Variants in CDH13 observed in about 807,000 individuals in gnomAD.
The protein encoded by CDH13 is cadherin-13.
CDH13 carries 24 observed loss-of-function variants against 63.8 expected under a neutral mutation model. That is an observed-to-expected ratio of 0.38 (90% CI 0.27 to 0.53). The LOEUF (loss-of-function observed/expected upper bound fraction) is 0.53, where lower values mean the gene tolerates loss of function less well. Ranked by LOEUF, CDH13 falls within the 20% of genes least tolerant of loss-of-function variation. The pLI is 0.85. For synonymous variants in CDH13, 503 were observed against 355.3 expected, an observed-to-expected ratio of 1.42 and a Z score of -4.67; for missense variants, 1,049 against 903.1, an observed-to-expected ratio of 1.16 and a Z score of -2.07.
chr16:83,632,592 G>A (rs960370458), intron 8 of CDH13, among the ~76,000 whole-genome samples: 32 of 151,016 alleles, frequency 2.1e-4, no homozygotes, highest in Admixed American at 6.0e-4. Context: ...AGTGCCCCAC[G>A]GAGTAGTGAC....
chr16:82,857,657 C>T (rs971350317), intron 1 of CDH13, among the ~76,000 whole-genome samples: 1 of 151,936 alleles, frequency 6.6e-6, no homozygotes, highest in African/African-American at 2.4e-5. Flanking sequence ...TTTATAGTAG[C>T]CAAGTTTGCA....
intron 7 of CDH13, among the ~76,000 whole-genome samples, chr16:83,577,852 A>G (rs1242634379): frequency 1.3e-5 from 2 of 152,224 alleles, no homozygotes; most frequent in African/African-American, 2.4e-5. Flanking sequence ...GATAAAATGA[A>G]CATTGCATAA....
intron 9 of CDH13, among the ~76,000 whole-genome samples, chr16:83,676,683 C>A (rs1407074548): frequency 6.6e-6 from 1 of 152,194 alleles, no homozygotes; most frequent in African/African-American, 2.4e-5. Flanking sequence ...CTATTACTGA[C>A]CCTGCTGGGA....
intron 1 of CDH13, among the ~76,000 whole-genome samples, chr16:82,793,552 G>T (rs1248221760): frequency 2.0e-5 from 3 of 152,190 alleles, no homozygotes; most frequent in African/African-American, 7.2e-5. Flanking sequence ...TCATTTCCAT[G>T]TCAGTCTGCC....
chr16:83,254,796 A>G (rs1411181725), intron 5 of CDH13, among the ~76,000 whole-genome samples: 2 of 152,188 alleles, frequency 1.3e-5, no homozygotes, highest in Admixed American at 1.3e-4. Flanking sequence ...GGCTGACTGT[A>G]ACCATAAAGA....
chr16:82,922,387 T>C (rs1438563539), intron 2 of CDH13, among the ~76,000 whole-genome samples: 1 of 152,172 alleles, frequency 6.6e-6, no homozygotes, highest in Non-Finnish European at 1.5e-5. Context: ...GAAGAAGACA[T>C]AGGCAGATTC....
intron 6 of CDH13, among the ~76,000 whole-genome samples, chr16:83,393,659 A>G (rs959398506): frequency 8.5e-5 from 13 of 152,216 alleles, no homozygotes; most frequent in African/African-American, 3.1e-4. Flanking sequence ...CATTCATTCA[A>G]TTCAGTTGAA....
At chr16:83,378,026 G>A (rs1022380082) in intron 6 of CDH13, among the ~76,000 whole-genome samples, 23 of 152,100 alleles carry the variant, frequency 1.5e-4, no homozygotes, top group East Asian at 5.8e-4. Context: ...GCAAGAGGAG[G>A]GCAGGCTGCT....
chr16:82,927,901 C>G (rs944373154), intron 2 of CDH13, among the ~76,000 whole-genome samples: 2 of 152,084 alleles, frequency 1.3e-5, no homozygotes, highest in African/African-American at 4.8e-5. Flanking sequence ...ATTCTTGAAC[C>G]CTTCTTAAAT....
intron 6 of CDH13, among the ~76,000 whole-genome samples, chr16:83,369,612 A>G (rs1443981110): frequency 2.6e-5 from 4 of 152,036 alleles, no homozygotes; most frequent in Non-Finnish European, 5.9e-5. Flanking sequence ...TTTCGTACAG[A>G]TGGAATCTCA....
chr16:83,130,857 C>T (rs1247691346), intron 4 of CDH13, among the ~76,000 whole-genome samples: 2 of 152,146 alleles, frequency 1.3e-5, no homozygotes, highest in South Asian at 2.1e-4. Flanking sequence ...AAAGGAGACT[C>T]ATATCCTGAA....
intron 2 of CDH13, among the ~76,000 whole-genome samples, chr16:82,991,484 C>T (rs1004643887): frequency 1.9e-4 from 29 of 152,152 alleles, no homozygotes; most frequent in African/African-American, 6.5e-4. Flanking sequence ...CTGCAAGGCC[C>T]TTGTTCAGTC....
chr16:82,640,537 G>C (rs889229841), intron 1 of CDH13, among the ~76,000 whole-genome samples: 37 of 152,116 alleles, frequency 2.4e-4, no homozygotes, highest in Admixed American at 5.2e-4. Flanking sequence ...GTAAATGAAT[G>C]GGCAGGGTAA....
intron 1 of CDH13, among the ~76,000 whole-genome samples, chr16:82,828,495 T>C (rs2038365782): frequency 6.6e-6 from 1 of 152,072 alleles, no homozygotes; most frequent in African/African-American, 2.4e-5. Flanking sequence ...CGGGCACCTG[T>C]AATCCCACCT....
At chr16:83,732,151 T>C (rs936618056) in intron 10 of CDH13, among the ~76,000 whole-genome samples, 3 of 152,160 alleles carry the variant, frequency 2.0e-5, no homozygotes, top group Admixed American at 6.5e-5. Flanking sequence ...AGACCGGCAA[T>C]GAACAAGCCA....
At chr16:83,082,574 G>T (rs909827532) in intron 3 of CDH13, among the ~76,000 whole-genome samples, 1 of 152,186 alleles carries the variant, frequency 6.6e-6, no homozygotes, top group African/African-American at 2.4e-5. Flanking sequence ...CCGGGAGGCA[G>T]AGGTTGCAGT....
intron 2 of CDH13, among the ~76,000 whole-genome samples, chr16:82,920,833 A>T (rs982253798): frequency 1.3e-5 from 2 of 152,320 alleles, no homozygotes; most frequent in Non-Finnish European, 1.5e-5. Context: ...CATCTATTAA[A>T]CATTTATACC....
chr16:83,239,661 A>G (rs1238770859), intron 5 of CDH13, among the ~76,000 whole-genome samples: 3 of 152,126 alleles, frequency 2.0e-5, no homozygotes, highest in Non-Finnish European at 2.9e-5. Flanking sequence ...TGTCTTTTCC[A>G]CTTGTTCTAC....
At chr16:82,827,083 T>C (rs11864979) in intron 1 of CDH13, among the ~76,000 whole-genome samples, 3,682 of 152,324 alleles carry the variant, frequency 0.024, 176 homozygotes, top group African/African-American at 0.084. Context: ...ATTTGGCCCA[T>C]ATCTTAATTC....
Sources: allele counts gnomAD v4.1 joint callset (sites outside exome capture counted in the v4.1 genomes callset), GRCh38; gene constraint gnomAD v4.1.1; transcripts MANE v1.5; gene names NCBI Gene and HGNC (gene_info 2026-07-23, HGNC 2026-07-21).